Variants in PXDNL observed in about 807,000 individuals in gnomAD.
PXDNL encodes peroxidasin like, also known as probable oxidoreductase PXDNL.
A neutral mutation model predicts 150.8 loss-of-function variants in PXDNL; 145 were observed. That is an observed-to-expected ratio of 0.96 (90% CI 0.84 to 1.10). PXDNL has a LOEUF of 1.10. PXDNL is among the 50% of genes least tolerant of loss of function. PXDNL has a pLI of 0.00. For synonymous variants in PXDNL, 757 were observed against 725.7 expected (o/e 1.04, Z -0.69); for missense variants, 2,087 against 1,873.9 (o/e 1.11, Z -2.10).
chr8:51,667,186 C>G (rs780373533), intron 1 of PXDNL, among the ~76,000 whole-genome samples: 1 of 152,142 alleles, frequency 6.6e-6, no homozygotes, highest in Non-Finnish European at 1.5e-5. Context: ...GATAAGAAAG[C>G]CTGAATATGC....
At chr8:51,348,885 A>G (rs1366436307) in intron 19 of PXDNL, among the ~76,000 whole-genome samples, 1 of 152,230 alleles carries the variant, frequency 6.6e-6, no homozygotes, top group Non-Finnish European at 1.5e-5. Context: ...ATAACACTAC[A>G]GCACAGAATG....
At chr8:51,639,153 G>C (rs1223829285) in intron 2 of PXDNL, among the ~76,000 whole-genome samples, 3 of 151,982 alleles carry the variant, frequency 2.0e-5, no homozygotes, top group Admixed American at 2.0e-4. Context: ...TTGAAACCAA[G>C]GAGAACAAAG....
intron 1 of PXDNL, among the ~76,000 whole-genome samples, chr8:51,659,597 G>C (rs1268635222): frequency 6.6e-6 from 1 of 152,036 alleles, no homozygotes. Context: ...CATGTCAGTT[G>C]GTCCCCGAGT....
At chr8:51,508,188 G>T (rs1811332256) in intron 4 of PXDNL, among the ~76,000 whole-genome samples, 1 of 152,182 alleles carries the variant, frequency 6.6e-6, no homozygotes. Flanking sequence ...TGGAATAAAG[G>T]AAATGGGCAC....
At chr8:51,370,783 G>C (rs1807083408) in intron 19 of PXDNL, among the ~76,000 whole-genome samples, 1 of 152,212 alleles carries the variant, frequency 6.6e-6, no homozygotes, top group Non-Finnish European at 1.5e-5. Context: ...TTTTAGTGGA[G>C]ATGGGGTTTC....
At chr8:51,722,522 A>C (rs1193090990) in intron 1 of PXDNL, among the ~76,000 whole-genome samples, 1 of 152,178 alleles carries the variant, frequency 6.6e-6, no homozygotes, top group Non-Finnish European at 1.5e-5. Flanking sequence ...GAATCAGGTC[A>C]CACACAGACT....
chr8:51,681,504 A>G (rs1815749936), intron 1 of PXDNL, among the ~76,000 whole-genome samples: 1 of 152,208 alleles, frequency 6.6e-6, no homozygotes, highest in Non-Finnish European at 1.5e-5. Flanking sequence ...TTTCCTGGGC[A>G]AGGGCCCTGG....
chr8:51,580,016 T>TTAAA (rs139022186), intron 3 of PXDNL, among the ~76,000 whole-genome samples: 3,629 of 150,478 alleles, frequency 0.024, 152 homozygotes, highest in African/African-American at 0.083. Flanking sequence ...AATAATAAAA[T>TTAAA]TAAATAAATA....
intron 14 of PXDNL, among the ~76,000 whole-genome samples, chr8:51,422,038 G>T (rs971704278): frequency 6.6e-6 from 1 of 152,092 alleles, no homozygotes; most frequent in East Asian, 1.9e-4. Flanking sequence ...AGGGGCACTA[G>T]ATTCTAATAG....
chr8:51,510,394 G>A (rs951003518), intron 4 of PXDNL, among the ~76,000 whole-genome samples: 4 of 152,238 alleles, frequency 2.6e-5, no homozygotes, highest in Admixed American at 1.3e-4. Context: ...CTTGAAATTC[G>A]AGATGGGTTT....
intron 1 of PXDNL, among the ~76,000 whole-genome samples, chr8:51,766,062 C>T (rs1050880146): frequency 6.6e-6 from 1 of 152,118 alleles, no homozygotes; most frequent in African/African-American, 2.4e-5. Context: ...GTCTCAATCT[C>T]CTGACCTCGT....
At chr8:51,446,688 G>A (rs542340110) in intron 12 of PXDNL, among the ~76,000 whole-genome samples, 9 of 152,110 alleles carry the variant, frequency 5.9e-5, no homozygotes, top group Non-Finnish European at 1.2e-4. Flanking sequence ...AGGCCGAGAA[G>A]CTGCATTCTT....
At chr8:51,534,187 G>C (rs1811992470) in intron 4 of PXDNL, among the ~76,000 whole-genome samples, 1 of 139,858 alleles carries the variant, frequency 7.2e-6, no homozygotes, top group Non-Finnish European at 1.5e-5. Flanking sequence ...CCCTGTCTGG[G>C]AGGTGAGGAG....
At chr8:51,476,136 A>G (rs1286831543) in intron 6 of PXDNL, among the ~76,000 whole-genome samples, 1 of 152,192 alleles carries the variant, frequency 6.6e-6, no homozygotes, top group East Asian at 1.9e-4. Flanking sequence ...GTAAGCACTG[A>G]AGTGTTCCAG....
intron 1 of PXDNL, among the ~76,000 whole-genome samples, chr8:51,729,823 A>C (rs76746965): frequency 0.052 from 7,903 of 152,276 alleles, 229 homozygotes; most frequent in African/African-American, 0.078. Flanking sequence ...CTATCAAGCC[A>C]TAAAAAGACA....
chr8:51,467,809 C>T (rs1470751500), intron 8 of PXDNL, among the ~76,000 whole-genome samples: 1 of 151,878 alleles, frequency 6.6e-6, no homozygotes, highest in African/African-American at 2.4e-5. Flanking sequence ...CACAAATTTG[C>T]TCTACACACT....
At chr8:51,423,317 A>T (rs1809005433) in intron 14 of PXDNL, among the ~76,000 whole-genome samples, 1 of 152,224 alleles carries the variant, frequency 6.6e-6, no homozygotes, top group South Asian at 2.1e-4. Flanking sequence ...GTTTGTAAGA[A>T]AACATGATAT....
intron 2 of PXDNL, among the ~76,000 whole-genome samples, chr8:51,596,095 A>C (rs1813559349): frequency 6.6e-6 from 1 of 152,040 alleles, no homozygotes; most frequent in South Asian, 2.1e-4. Context: ...TGTTGCCCTC[A>C]TTATGTCCGA....
chr8:51,720,934 C>T (rs760691026), intron 1 of PXDNL, among the ~76,000 whole-genome samples: 3 of 152,232 alleles, frequency 2.0e-5, no homozygotes, highest in African/African-American at 4.8e-5. Flanking sequence ...GACGCTCGAT[C>T]GCATGCAAAG....
Sources: gnomAD v4.1 joint callset for allele counts (sites outside exome capture counted in the v4.1 genomes callset) on GRCh38, gnomAD v4.1.1 for gene constraint, MANE v1.5 for transcripts, NCBI Gene and HGNC (gene_info 2026-07-23, HGNC 2026-07-21) for gene names.